PEAK1: variants seen among roughly 807,000 people sequenced by gnomAD.
The protein encoded by PEAK1 is inactive tyrosine-protein kinase PEAK1.
PEAK1 carries 54 observed loss-of-function variants against 124.7 expected under a neutral mutation model. That is an observed-to-expected ratio of 0.43 (90% CI 0.35 to 0.54). The LOEUF (loss-of-function observed/expected upper bound fraction) is 0.54, where lower values mean the gene tolerates loss of function less well. Ranked by LOEUF, PEAK1 falls within the 20% of genes least tolerant of loss-of-function variation. The pLI is 0.01. For synonymous variants in PEAK1, 719 were observed against 760.0 expected (o/e 0.95, Z 0.89); for missense variants, 2,046 against 2,134.5 (o/e 0.96, Z 0.82).
intron 5 of PEAK1, among the ~76,000 whole-genome samples, chr15:77,277,396 G>A (rs757589665): frequency 2.6e-5 from 4 of 151,982 alleles, no homozygotes; most frequent in Middle Eastern, 3.4e-3. Flanking sequence ...TTGCAGTGTT[G>A]GTTACATGAA....
intron 6 of PEAK1, among the ~76,000 whole-genome samples, chr15:77,215,922 ATATTTATT>A (rs1323190142): frequency 1.3e-5 from 2 of 151,962 alleles, no homozygotes; most frequent in Non-Finnish European, 2.9e-5. Flanking sequence ...ATTTATATTT[ATATTTATT>A]TTTGTCAATA....
At chr15:77,268,781 T>C (rs1427084028) in intron 5 of PEAK1, among the ~76,000 whole-genome samples, 1 of 152,080 alleles carries the variant, frequency 6.6e-6, no homozygotes, top group African/African-American at 2.4e-5. Flanking sequence ...TCAGGTAACC[T>C]ATAAAGAAAA....
At chr15:77,259,500 T>C (rs1050121270) in intron 5 of PEAK1, among the ~76,000 whole-genome samples, 4 of 152,218 alleles carry the variant, frequency 2.6e-5, no homozygotes, top group Admixed American at 2.0e-4. Flanking sequence ...AGTTCATTTA[T>C]AACAATACTG....
chr15:77,341,129 C>T (rs1346901660), intron 2 of PEAK1, among the ~76,000 whole-genome samples: 8 of 151,978 alleles, frequency 5.3e-5, no homozygotes, highest in African/African-American at 1.5e-4. Flanking sequence ...TTAGAGGGTC[C>T]GAAGTGCAGA....
chr15:77,222,634 G>A (rs2059440239), intron 6 of PEAK1, among the ~76,000 whole-genome samples: 1 of 151,850 alleles, frequency 6.6e-6, no homozygotes, highest in East Asian at 1.9e-4. Flanking sequence ...AACTGGTCTT[G>A]GTGATTGATT....
At chr15:77,361,312 T>C (rs1597437968) in intron 2 of PEAK1, among the ~76,000 whole-genome samples, 1 of 152,104 alleles carries the variant, frequency 6.6e-6, no homozygotes, top group East Asian at 1.9e-4. Context: ...TCGTGGTACA[T>C]ACCTGTAGTC....
At chr15:77,164,479 C>A (rs1567051819) in intron 7 of PEAK1, among the ~76,000 whole-genome samples, 1 of 152,126 alleles carries the variant, frequency 6.6e-6, no homozygotes, top group Non-Finnish European at 1.5e-5. Flanking sequence ...TTGTACAGAT[C>A]CACTTTTTTT....
Position 77,109,338 on chromosome 15 carries a change from C to G in PEAK1, c.*4818G>C, listed in dbSNP as rs970254971. ...TCATCTTCATCATCATCATCATCTT[C>G]TAATATACAAAATGGACTTCTTTTT... On this transcript the variant is annotated 3_prime_UTR_variant, in exon 10 of 10. Transcript: ENST00000682557. The G allele has an allele frequency of 6.6e-6, 1 of 152,184 alleles. No homozygotes were observed. Among genetic ancestry groups the G allele is most frequent in the Non-Finnish European group, 1.5e-5 (1 of 68,032 alleles). The allele number at this position is 152,184 out of a possible 1,614,324, so 9.4% of individuals were successfully genotyped here.
At chr15:77,234,977 A>G (rs1360033757) in intron 6 of PEAK1, among the ~76,000 whole-genome samples, 2 of 151,996 alleles carry the variant, frequency 1.3e-5, no homozygotes, top group African/African-American at 2.4e-5. Context: ...TGATGGTTTT[A>G]TAAGCATCTG....
intron 1 of PEAK1, among the ~76,000 whole-genome samples, chr15:77,412,178 C>T (rs2142125180): frequency 6.6e-6 from 1 of 152,346 alleles, no homozygotes; most frequent in African/African-American, 2.4e-5. Flanking sequence ...TTCTTCTCTT[C>T]TCTAGCTACC....
chr15:77,329,664 G>A (rs17384809), intron 2 of PEAK1, among the ~76,000 whole-genome samples: 34,037 of 152,024 alleles, frequency 0.22, 4,283 homozygotes, highest in Middle Eastern at 0.29. Flanking sequence ...TCATTCATTA[G>A]CAAGGATGAC....
At chr15:77,387,241 C>T (rs1037043480) in intron 1 of PEAK1, among the ~76,000 whole-genome samples, 4 of 152,138 alleles carry the variant, frequency 2.6e-5, no homozygotes, top group African/African-American at 9.7e-5. Context: ...TTCCTGGAAA[C>T]AAATCCATCA....
intron 5 of PEAK1, among the ~76,000 whole-genome samples, chr15:77,256,180 T>C (rs190578536): frequency 2.6e-5 from 4 of 152,080 alleles, no homozygotes; most frequent in East Asian, 1.9e-4. Flanking sequence ...AAAACAAAAA[T>C]AGGGAGGAAG....
intron 2 of PEAK1, among the ~76,000 whole-genome samples, chr15:77,361,369 G>A (rs917948702): frequency 3.3e-5 from 5 of 152,182 alleles, no homozygotes; most frequent in African/African-American, 1.2e-4. Flanking sequence ...GAGCCCAGGA[G>A]TTTGAGGCTG....
chr15:77,199,340 T>C (rs1038933968), intron 6 of PEAK1, among the ~76,000 whole-genome samples: 4 of 152,142 alleles, frequency 2.6e-5, no homozygotes, highest in African/African-American at 9.7e-5. Flanking sequence ...ATCGAAGTGG[T>C]CTACTTGCCA....
chr15:77,122,188 G>T (rs2051981101), intron 9 of PEAK1, among the ~76,000 whole-genome samples: 1 of 152,178 alleles, frequency 6.6e-6, no homozygotes, highest in South Asian at 2.1e-4. Flanking sequence ...CATGTTGTAG[G>T]AATCTGCTAT....
intron 1 of PEAK1, among the ~76,000 whole-genome samples, chr15:77,386,062 G>T (rs983564066): frequency 1.3e-5 from 2 of 152,148 alleles, no homozygotes; most frequent in African/African-American, 4.8e-5. Flanking sequence ...GCTATTATAG[G>T]AGGCACTGAC....
chr15:77,305,241 G>A (rs1272324359), intron 2 of PEAK1, among the ~76,000 whole-genome samples: 2 of 150,694 alleles, frequency 1.3e-5, no homozygotes, highest in Admixed American at 6.6e-5. Context: ...GAGAGATGGA[G>A]GGATAATATA....
At chr15:77,121,064 TTTTG>T (rs1429244072) in intron 9 of PEAK1, among the ~76,000 whole-genome samples, 3 of 152,158 alleles carry the variant, frequency 2.0e-5, no homozygotes, top group Admixed American at 6.6e-5. Flanking sequence ...TTTAAAAAAT[TTTTG>T]TTTTTTATAA....
Sources: allele counts gnomAD v4.1 joint callset (sites outside exome capture counted in the v4.1 genomes callset), GRCh38; gene constraint gnomAD v4.1.1; transcripts MANE v1.5; gene names NCBI Gene and HGNC (gene_info 2026-07-23, HGNC 2026-07-21).